The following CLEC16A variants were observed in gnomAD, a reference collection of about 807,000 sequenced individuals.
CLEC16A encodes the protein C-type lectin domain containing 16A, also known as protein CLEC16A.
A neutral mutation model predicts 109.5 loss-of-function variants in CLEC16A; 51 were observed. The ratio of observed to expected loss-of-function variants is 0.47; its 90% CI spans 0.37 to 0.59. The LOEUF is 0.59. Ranked by LOEUF, CLEC16A falls within the 20% of genes least tolerant of loss-of-function variation. The pLI is 0.00. For synonymous variants in CLEC16A, 673 were observed against 564.2 expected (o/e 1.19, Z -2.73); for missense variants, 1,339 against 1,394.0 (o/e 0.96, Z 0.63).
Position 11,047,220 on chromosome 16 carries a change from G to C in CLEC16A, c.1816-72G>C, listed in dbSNP as rs188317582. ...ATGGCCTCTAAAGCCACAAACTAGAGTTTATAATACTCTGTTGTTTATGGA... is the reference window on the plus strand; with the variant it reads ...ATGGCCTCTAAAGCCACAAACTAGACTTTATAATACTCTGTTGTTTATGGA... On this transcript the variant is annotated intron_variant, in intron 16 of 23. Transcript: ENST00000409790. 3.2e-5 allele frequency: 43 copies of C among 1,329,428 alleles called. No individual in the cohort carries two copies. In the African/African-American group the frequency reaches 5.5e-4, roughly 17 times the overall value. 82.4% of individuals were successfully genotyped at this position (1,329,428 alleles called of 1,614,324 possible).
chr16:11,039,262 G>C (rs893500944), intron 13 of CLEC16A, among the ~76,000 whole-genome samples: 1 of 152,066 alleles, frequency 6.6e-6, no homozygotes, highest in Non-Finnish European at 1.5e-5. Flanking sequence ...ATCAGGTCTT[G>C]GGCCACCATG....
chr16:11,051,738 C>A, intron 18 of CLEC16A, 97 bp downstream of exon 18: 1 of 1,476,572 alleles, frequency 6.8e-7, no homozygotes, highest in Non-Finnish European at 9.3e-7. Flanking sequence ...AGTCAAGAGC[C>A]TGCCCTCAAC....
At position 11,008,734 on chromosome 16, in the gene CLEC16A, T is replaced by C. The variant is rs2045202438; in HGVS notation, c.1303+5429T>C. On this transcript the variant is annotated intron_variant, in intron 11 of 23. Coordinates refer to ENST00000409790, the MANE Select transcript of CLEC16A (RefSeq NM_015226.3). ...GGCTGGGTGCGGTGGTTCACGCCTG[T>C]AATCCCAGCACTTTGGGAGGCCGAG... is the stretch of plus-strand genomic sequence containing the variant. 2.0e-5 allele frequency among the ~76,000 whole-genome samples: 3 copies of C among 149,758 alleles called. No homozygotes were observed. In the South Asian group the frequency reaches 6.3e-4, roughly 31 times the overall value.
chr16:11,117,368 A>G (rs2052073635), intron 19 of CLEC16A, among the ~76,000 whole-genome samples: 1 of 152,250 alleles, frequency 6.6e-6, no homozygotes. Context: ...ACCCTCTTCT[A>G]ATCAGAGGCT....
chr16:11,070,706 T>A (rs565844056), intron 19 of CLEC16A: 1 of 152,372 alleles, frequency 6.6e-6, no homozygotes, highest in East Asian at 1.9e-4. Flanking sequence ...CTGAGGCTTA[T>A]TATGTGACAC....
chr16:11,086,217 C>T lies in CLEC16A; in HGVS notation c.2116+25195C>T, dbSNP rs552948546. Among the ~76,000 whole-genome samples the T allele has an allele frequency of 1.4e-4, 22 of 152,308 alleles. No individual in the cohort carries two copies. In the South Asian group the frequency reaches 3.7e-3, roughly 26 times the overall value. ...TGAGGCTCAAGGAGGGCCCTGGGCT[C>T]ATGCCCTGGGCTGACAGTGGAGGCC... On this transcript the variant is annotated intron_variant, in intron 19 of 23. Coordinates refer to ENST00000409790, the MANE Select transcript of CLEC16A (RefSeq NM_015226.3).
chr16:11,112,409 C>T (rs893170387), intron 19 of CLEC16A, among the ~76,000 whole-genome samples: 1 of 148,116 alleles, frequency 6.8e-6, no homozygotes, highest in Admixed American at 6.9e-5. Flanking sequence ...CCTATAATCC[C>T]AGCACTTTGG....
intron 11 of CLEC16A, among the ~76,000 whole-genome samples, chr16:11,015,401 C>T (rs2045685744): frequency 6.6e-6 from 1 of 152,150 alleles, no homozygotes; most frequent in Admixed American, 6.5e-5. Flanking sequence ...AATCACTGCA[C>T]TTGTGGGTTT....
chr16:11,106,655 TC>T (rs2051240903), intron 19 of CLEC16A, among the ~76,000 whole-genome samples: 1 of 151,732 alleles, frequency 6.6e-6, no homozygotes, highest in South Asian at 2.1e-4. Flanking sequence ...TGGCTTCTCT[TC>T]TTTTTTTTTT....
chr16:10,949,890 G>A (rs368947191), intron 1 of CLEC16A, among the ~76,000 whole-genome samples: 5 of 152,058 alleles, frequency 3.3e-5, no homozygotes, highest in South Asian at 4.1e-4. Context: ...CACATACCTC[G>A]CCTGCCCACT....
intron 22 of CLEC16A, among the ~76,000 whole-genome samples, chr16:11,165,403 G>C (rs778545808): frequency 1.3e-5 from 2 of 152,084 alleles, no homozygotes; most frequent in African/African-American, 4.8e-5. Flanking sequence ...GAGGCAGGAA[G>C]ATCACTTGAG....
At chr16:11,112,959 G>T (rs1249415167) in intron 19 of CLEC16A, among the ~76,000 whole-genome samples, 2 of 152,174 alleles carry the variant, frequency 1.3e-5, no homozygotes, top group African/African-American at 4.8e-5. Flanking sequence ...CTTGGTGGGG[G>T]CCAAGCCTCA....
chr16:10,983,043 G>C (rs1784112519), intron 10 of CLEC16A, 52 bp downstream of exon 10: 3 of 1,000,246 alleles, frequency 3.0e-6, no homozygotes, highest in Non-Finnish European at 4.8e-6. Context: ...TGCTCATTTT[G>C]CTAATCTGTG....
chr16:11,010,858 G>A (rs986738120), intron 11 of CLEC16A, among the ~76,000 whole-genome samples: 26 of 152,104 alleles, frequency 1.7e-4, no homozygotes, highest in African/African-American at 6.0e-4. Context: ...TTTTTTTGAG[G>A]AATACAGAAC....
chr16:10,969,352 C>T (rs200537399), intron 4 of CLEC16A, 43 bp downstream of exon 4: 54 of 1,347,696 alleles, frequency 4.0e-5, no homozygotes, highest in Non-Finnish European at 3.8e-5. Flanking sequence ...TAAAGCCACA[C>T]GTGGCTTTTT....
chr16:10,946,472 G>A (rs1233184298), intron 1 of CLEC16A, among the ~76,000 whole-genome samples: 1 of 152,284 alleles, frequency 6.6e-6, no homozygotes, highest in East Asian at 1.9e-4. Flanking sequence ...GACAAGGGGA[G>A]GAAAGAGGCC....
chr16:11,071,348 C>T (rs1459001458), intron 19 of CLEC16A, among the ~76,000 whole-genome samples: 4 of 152,014 alleles, frequency 2.6e-5, no homozygotes, highest in East Asian at 1.9e-4. Flanking sequence ...ATCCAGAATA[C>T]GGAACATTCT....
intron 22 of CLEC16A, among the ~76,000 whole-genome samples, chr16:11,160,279 T>C (rs1047492915): frequency 5.9e-5 from 9 of 152,120 alleles, no homozygotes; most frequent in African/African-American, 1.9e-4. Context: ...AGCCCACTAG[T>C]TTTTGTGCCT....
intron 19 of CLEC16A, among the ~76,000 whole-genome samples, chr16:11,097,550 C>T (rs1245658245): frequency 3.3e-5 from 5 of 152,088 alleles, no homozygotes; most frequent in Admixed American, 6.5e-5. Context: ...CAAGGAGCAC[C>T]GACACAGAAC....
Sources: allele counts gnomAD v4.1 joint callset (sites outside exome capture counted in the v4.1 genomes callset), GRCh38; gene constraint gnomAD v4.1.1; transcripts MANE v1.5; gene names NCBI Gene and HGNC (gene_info 2026-07-23, HGNC 2026-07-21).